The following COL5A1 variants were observed in gnomAD, a reference collection of about 807,000 sequenced individuals.
The protein encoded by COL5A1 is collagen alpha-1(V) chain.
A neutral mutation model predicts 263.7 loss-of-function variants in COL5A1; 16 were observed. The ratio of observed to expected loss-of-function variants is 0.06; its 90% CI spans 0.04 to 0.09. The LOEUF is 0.09. Among genes scored for constraint, COL5A1 ranks in the 10% least tolerant of loss-of-function variants. COL5A1 has a pLI of 1.00. For synonymous variants in COL5A1, 1,012 were observed against 1,004.5 expected (o/e 1.01, Z -0.14); for missense variants, 2,036 against 2,540.5 (o/e 0.80, Z 4.27).
At chr9:134,786,576 C>T (rs1837467397) in intron 31 of COL5A1, among the ~76,000 whole-genome samples, 1 of 152,130 alleles carries the variant, frequency 6.6e-6, no homozygotes, top group Non-Finnish European at 1.5e-5. Flanking sequence ...CTCTACCTCA[C>T]CGGCGATTTG....
chr9:134,718,233 G>A (rs948323183), intron 4 of COL5A1, among the ~76,000 whole-genome samples: 2 of 152,214 alleles, frequency 1.3e-5, no homozygotes, highest in Admixed American at 6.5e-5. Flanking sequence ...CGCCGTGGCC[G>A]CCGACCCATC....
intron 11 of COL5A1, among the ~76,000 whole-genome samples, chr9:134,748,294 C>T (rs957961408): frequency 3.3e-5 from 5 of 151,788 alleles, no homozygotes; most frequent in Non-Finnish European, 7.4e-5. Flanking sequence ...TATGCACATG[C>T]ACACACACAT....
chr9:134,660,317 C>G lies in COL5A1; in HGVS notation c.109+18021C>G, dbSNP rs574660896. Among the ~76,000 whole-genome samples the G allele has an allele frequency of 1.2e-4, 19 of 152,326 alleles. No individual in the cohort carries two copies. The South Asian group carries it at 3.9e-3, about 32-fold the overall frequency. On this transcript the variant is annotated intron_variant, in intron 1 of 65. Coordinates refer to ENST00000371817, the MANE Select transcript of COL5A1 (RefSeq NM_000093.5). Reference sequence around the variant, plus strand: ...TGGACCATGAGTCCTAAAGAATTGTCAAAGTCCTCTGAAGATTCGCTACCT... The same window carrying G: ...TGGACCATGAGTCCTAAAGAATTGTGAAAGTCCTCTGAAGATTCGCTACCT...
rs769557538 is a variant in COL5A1 at position 134,686,252 on chromosome 9, T to G, written c.110-4660T>G. On this transcript the variant is annotated intron_variant, in intron 1 of 65. Coordinates refer to ENST00000371817, the MANE Select transcript of COL5A1 (RefSeq NM_000093.5). This position sits in a 1 kb window ranked among gnomAD's most constrained non-coding sequence, Gnocchi z 4.6. ...TCCTTCTCCTTCTCCTTTTTCTTCT[T>G]CTTTCTCTTCCTTTTTTTCGAGACC... 2.6e-5 allele frequency among the ~76,000 whole-genome samples: 4 copies of G among 152,124 alleles called. No homozygotes were observed. The highest frequency in any genetic ancestry group is 4.4e-5 in the Non-Finnish European group (3 of 68,032).
At chr9:134,826,853 GGTGTGTGT>G (rs1205288669) in intron 63 of COL5A1, among the ~76,000 whole-genome samples, 3 of 145,908 alleles carry the variant, frequency 2.1e-5, no homozygotes, top group Non-Finnish European at 4.5e-5. Context: ...ATGGTGTGTG[GGTGTGTGT>G]GGCTGGTGTA....
Position 134,641,806 on chromosome 9 carries a change from C to A in COL5A1, c.-382C>A. On this transcript the variant is annotated 5_prime_UTR_variant, in exon 1 of 66. Coordinates refer to ENST00000371817, the MANE Select transcript of COL5A1 (RefSeq NM_000093.5). ...AGTGCTCCGCGCCGAAGGCGAGGTCCGCACTCTCCGTCCCCGCGGCTGGCG... is the reference window on the plus strand; with the variant it reads ...AGTGCTCCGCGCCGAAGGCGAGGTCAGCACTCTCCGTCCCCGCGGCTGGCG... 1 of 385,494 alleles carries A rather than the reference C, an allele frequency of 2.6e-6. No homozygotes were observed. The highest frequency in any genetic ancestry group is 4.6e-6 in the Non-Finnish European group (1 of 217,856). 23.9% of individuals were successfully genotyped at this position (385,494 alleles called of 1,614,324 possible). A position where few individuals can be genotyped will look rare whatever the true frequency, so the allele number is the denominator to read the frequency against.
intron 18 of COL5A1, among the ~76,000 whole-genome samples, chr9:134,759,983 G>A (rs111071546): frequency 0.19 from 10,417 of 55,864 alleles, 1,009 homozygotes; most frequent in African/African-American, 0.35. Flanking sequence ...GCACACACAT[G>A]CACACCCACA....
At chr9:134,772,888 G>A in intron 26 of COL5A1, 54 bp downstream of exon 26, 2 of 1,560,624 alleles carry the variant, frequency 1.3e-6, no homozygotes, top group Non-Finnish European at 1.8e-6. Flanking sequence ...GGCGGGTCCA[G>A]GTGCTCTGGG....
At position 134,738,525 on chromosome 9, in the gene COL5A1, C is replaced by T. The variant is rs1176378428; in HGVS notation, c.1431+10C>T. ...CCCAGAAGGCCCCGCGGTGAGTATC[C>T]GGCTTTATCCTGTGACTTGCAGAAG... On this transcript the variant is annotated intron_variant, in intron 10 of 65. Coordinates refer to ENST00000371817, the MANE Select transcript of COL5A1 (RefSeq NM_000093.5). 42 of 1,613,894 alleles carry T rather than the reference C, an allele frequency of 2.6e-5. No individual in the cohort carries two copies. Among genetic ancestry groups the T allele is most frequent in the East Asian group, 1.3e-4 (6 of 44,890 alleles).
Position 134,641,823 on chromosome 9 carries a change from C to T in COL5A1, c.-365C>T, listed in dbSNP as rs1482702319. Reference sequence around the variant, plus strand: ...GCGAGGTCCGCACTCTCCGTCCCCGCGGCTGGCGCAGGACCTCACTCGAGC... The same window carrying T: ...GCGAGGTCCGCACTCTCCGTCCCCGTGGCTGGCGCAGGACCTCACTCGAGC... On this transcript the variant is annotated 5_prime_UTR_variant, in exon 1 of 66. Coordinates refer to ENST00000371817, the MANE Select transcript of COL5A1 (RefSeq NM_000093.5). 2.6e-6 allele frequency: 1 copy of T among 387,678 alleles called. No individual in the cohort carries two copies. Among genetic ancestry groups the T allele is most frequent in the East Asian group, 3.6e-5 (1 of 27,424 alleles). The allele number at this position is 387,678 out of a possible 1,614,324, so 24.0% of individuals were successfully genotyped here.
rs1837583235 is a variant in COL5A1, at chr9:134,789,208, G to A, written c.2700G>A (p.Arg900=). 1 of 1,612,592 alleles carries A rather than the reference G, an allele frequency of 6.2e-7. No individual in the cohort carries two copies. The highest frequency in any genetic ancestry group is 1.7e-5 in the Admixed American group (1 of 59,978). The change falls in exon 32 of 66, where the codon AGG becomes AGA. Residue 900 remains arginine (R), a splice_region_variant and synonymous_variant. Transcript: ENST00000371817. This position sits in a 1 kb window ranked among gnomAD's most constrained non-coding sequence, Gnocchi z 4.8. The stretch of plus-strand genomic sequence containing the variant: ...GCGCCAATGGAGAGAAGGGCGGCAG[G>A]GTAAGGATAGCCTGGCCCCTGGGCA... ...FPGANGEKGG[R]GTPGKPGPRG...
chr9:134,705,726 G>T (rs1833815629), intron 4 of COL5A1, among the ~76,000 whole-genome samples: 1 of 152,170 alleles, frequency 6.6e-6, no homozygotes, highest in Non-Finnish European at 1.5e-5. Context: ...ATTGTCAGTG[G>T]TCATCTGCCA....
In COL5A1 at chr9:134,814,076, G is replaced by A. The variant is rs927212770; in HGVS notation, c.3906+40G>A. 26 of 1,543,654 alleles carry A rather than the reference G, an allele frequency of 1.7e-5. 1 individual carries two copies. The highest frequency in any genetic ancestry group is 1.5e-4 in the African/African-American group (11 of 72,908). On this transcript the variant is annotated intron_variant, in intron 49 of 65. Transcript: ENST00000371817. Reference sequence around the variant, plus strand: ...GCTGCGGGAGGGGTGGGATATGGCCGAGCGGGTGTGTGGACGGGGTGCTGG... The same window carrying A: ...GCTGCGGGAGGGGTGGGATATGGCCAAGCGGGTGTGTGGACGGGGTGCTGG...
rs761249454 is a variant in COL5A1 at position 134,691,094 on chromosome 9, CT to C, written c.277+17del. On this transcript the variant is annotated intron_variant, in intron 2 of 65. Transcript: ENST00000371817. ...GCTGTACCCTGGTAAGTGCCGCACC[CT>C]TCTGTTTGGGGCGGTGGGTCCCGTT... The C allele has an allele frequency of 1.9e-6, 3 of 1,612,270 alleles. No homozygotes were observed. The South Asian group carries it at 3.3e-5, about 18-fold the overall frequency.
chr9:134,770,218 C>A (rs11103518), intron 25 of COL5A1, among the ~76,000 whole-genome samples: 48,058 of 152,140 alleles, frequency 0.32, 7,897 homozygotes, highest in East Asian at 0.42. Flanking sequence ...AGGGTAAACC[C>A]TACAGAGAGA....
intron 27 of COL5A1, among the ~76,000 whole-genome samples, chr9:134,777,443 G>A (rs1166042629): frequency 1.3e-5 from 2 of 152,192 alleles, no homozygotes; most frequent in African/African-American, 2.4e-5. Context: ...ACCCCACCAC[G>A]GACACAGCAG....
intron 9 of COL5A1, among the ~76,000 whole-genome samples, chr9:134,733,834 G>T (rs1032730579): frequency 6.6e-6 from 1 of 152,252 alleles, no homozygotes; most frequent in African/African-American, 2.4e-5. Flanking sequence ...GGGACATCCG[G>T]TTGCATTTCC....
chr9:134,802,049 C>T (rs1374394540), intron 38 of COL5A1, 42 bp downstream of exon 38: 3 of 1,590,610 alleles, frequency 1.9e-6, no homozygotes, highest in Non-Finnish European at 1.7e-6. Flanking sequence ...CACTCGGTGT[C>T]ACTTGCCCAC....
intron 4 of COL5A1, chr9:134,708,676 G>A (rs970750539): frequency 1.9e-6 from 1 of 518,440 alleles, no homozygotes; most frequent in Admixed American, 1.9e-5. Context: ...AGCTCTGCCT[G>A]CTTTGCTGAG....
Sources: allele counts gnomAD v4.1 joint callset (sites outside exome capture counted in the v4.1 genomes callset), GRCh38; gene constraint gnomAD v4.1.1; non-coding constraint Gnocchi (gnomAD v3.1); transcripts MANE v1.5; gene names NCBI Gene and HGNC (gene_info 2026-07-23, HGNC 2026-07-21).